PTPN3: variants seen among roughly 807,000 people sequenced by gnomAD.
PTPN3 encodes the protein tyrosine-protein phosphatase non-receptor type 3.
PTPN3 carries 96 observed loss-of-function variants against 132.7 expected under a neutral mutation model. The ratio of observed to expected loss-of-function variants is 0.72; its 90% confidence interval spans 0.61 to 0.86. The LOEUF (loss-of-function observed/expected upper bound fraction) is 0.86. Ranked by LOEUF, PTPN3 falls within the 40% of genes least tolerant of loss-of-function variation. The pLI is 0.00. For missense variants in PTPN3, 1,125 were observed against 1,159.6 expected (o/e 0.97, Z 0.43); for synonymous variants, 398 against 429.0 (o/e 0.93, Z 0.89).
chr9:109,463,102 G>A (rs906969549), intron 2 of PTPN3, among the ~76,000 whole-genome samples, 195 bp downstream of exon 2: 16 of 151,412 alleles, frequency 1.1e-4, no homozygotes, highest in Admixed American at 1.0e-3. Context: ...AAGGGCGGGG[G>A]GAAGACCCTC....
intron 1 of PTPN3, among the ~76,000 whole-genome samples, chr9:109,485,875 C>T (rs1011614353): frequency 6.6e-6 from 1 of 152,248 alleles, no homozygotes; most frequent in Non-Finnish European, 1.5e-5. Flanking sequence ...TATTTAGTAA[C>T]TCTGAAGAAA....
At chr9:109,481,193 T>G (rs1177160998) in intron 1 of PTPN3, among the ~76,000 whole-genome samples, 2 of 152,116 alleles carry the variant, frequency 1.3e-5, no homozygotes, top group African/African-American at 4.8e-5. Flanking sequence ...CTGGTTCAAG[T>G]CCCTCAGTGC....
At chr9:109,404,911 T>C (rs943417166) in intron 18 of PTPN3, among the ~76,000 whole-genome samples, 2 of 152,196 alleles carry the variant, frequency 1.3e-5, no homozygotes, top group Non-Finnish European at 2.9e-5. Flanking sequence ...AAAAAGCATA[T>C]TGTTTCTGCT....
chr9:109,533,616 G>C, the PTPN3 span: 1 of 1,527,512 alleles, frequency 6.5e-7, no homozygotes, highest in East Asian at 2.3e-5. Context: ...CTATATCCCT[G>C]ATATATACTC....
chr9:109,501,044 A>G (rs917183258), upstream of PTPN3, among the ~76,000 whole-genome samples: 5 of 152,090 alleles, frequency 3.3e-5, no homozygotes, highest in Non-Finnish European at 7.4e-5. Context: ...TTTTTGGAGT[A>G]GTAAGTTTGG....
chr9:109,392,520 C>T (rs993643386), intron 19 of PTPN3: 2 of 152,082 alleles, frequency 1.3e-5, no homozygotes, highest in African/African-American at 4.8e-5. Context: ...CACAAATGAA[C>T]AGAAGCACAT....
At chr9:109,533,325 T>C in the PTPN3 span, 4 of 452,854 alleles carry the variant, frequency 8.8e-6, no homozygotes, top group Non-Finnish European at 1.6e-5. Context: ...TTTGTATTTT[T>C]AGTAGAGACG....
intron 1 of PTPN3, among the ~76,000 whole-genome samples, chr9:109,490,046 G>A (rs893646182): frequency 5.3e-5 from 8 of 151,972 alleles, no homozygotes; most frequent in Non-Finnish European, 1.2e-4. Context: ...AGCTGGGCGT[G>A]GTCGTGGACA....
the PTPN3 span, among the ~76,000 whole-genome samples, chr9:109,525,506 T>TG: frequency 6.6e-6 from 1 of 152,192 alleles, no homozygotes; most frequent in African/African-American, 2.4e-5. Context: ...CCATCACAGA[T>TG]GAAGTAAATC....
At chr9:109,447,363 A>T (rs1301638819) in intron 6 of PTPN3, among the ~76,000 whole-genome samples, 1 of 152,124 alleles carries the variant, frequency 6.6e-6, no homozygotes, top group East Asian at 1.9e-4. Flanking sequence ...GCAGCTGCTA[A>T]GGACAGCCTG....
At chr9:109,401,368 C>A (rs759269805) in intron 19 of PTPN3, among the ~76,000 whole-genome samples, 1 of 152,122 alleles carries the variant, frequency 6.6e-6, no homozygotes, top group Non-Finnish European at 1.5e-5. Context: ...TAGCTGTGGG[C>A]GGGGCCTTGA....
intron 4 of PTPN3, among the ~76,000 whole-genome samples, chr9:109,456,890 T>C (rs1015850101): frequency 6.6e-6 from 1 of 152,172 alleles, no homozygotes; most frequent in African/African-American, 2.4e-5. Context: ...CCATCCTCCT[T>C]CCTTTTCCTT....
At chr9:109,380,013 G>T (rs181109108) in intron 25 of PTPN3, among the ~76,000 whole-genome samples, 1 of 152,182 alleles carries the variant, frequency 6.6e-6, no homozygotes, top group African/African-American at 2.4e-5. Context: ...GGAGGAGGAG[G>T]GGCTGCACAG....
chr9:109,449,183 C>A, intron 5 of PTPN3: 1 of 1,106,780 alleles, frequency 9.0e-7, no homozygotes, highest in South Asian at 3.1e-5. Flanking sequence ...TGTCAGTGAG[C>A]GCCCCTGCCC....
intron 2 of PTPN3, among the ~76,000 whole-genome samples, chr9:109,458,143 A>G (rs1390493192): frequency 6.6e-6 from 1 of 152,190 alleles, no homozygotes; most frequent in African/African-American, 2.4e-5. Context: ...CAGAGTGTCA[A>G]AGGCCGTCGA....
chr9:109,444,548 A>T (rs1469800236), intron 7 of PTPN3, among the ~76,000 whole-genome samples: 1 of 152,224 alleles, frequency 6.6e-6, no homozygotes, highest in Non-Finnish European at 1.5e-5. Flanking sequence ...AAAAAAATGT[A>T]AAATATCTTG....
intron 12 of PTPN3, 108 bp from the exon 13 acceptor site, chr9:109,422,960 T>C: frequency 2.1e-6 from 3 of 1,402,040 alleles, no homozygotes; most frequent in Non-Finnish European, 2.9e-6. Context: ...GGACGGCAGG[T>C]TAATGCCAAG....
chr9:109,532,217 T>C, the PTPN3 span, among the ~76,000 whole-genome samples: 1 of 152,224 alleles, frequency 6.6e-6, no homozygotes, highest in Non-Finnish European at 1.5e-5. Context: ...GGAAGCTGGC[T>C]GGCAGATACA....
rs76739363 is a variant in PTPN3 at position 109,434,911 on chromosome 9, T to C, written c.676-1750A>G. ...CCCTTTGTGAACCACAATGTGAACA[T>C]GGAGTTAGAGAAACGGGACAAACAA... On this transcript the variant is annotated intron_variant, in intron 9 of 25. Transcript: ENST00000374541. Among the ~76,000 whole-genome samples, 963 of 152,198 alleles carry C rather than the reference T, an allele frequency of 6.3e-3. 16 individuals are homozygous for C. Among genetic ancestry groups the C allele is most frequent in the African/African-American group, 0.022 (923 of 41,530 alleles).
Sources: gnomAD v4.1 joint callset for allele counts (sites outside exome capture counted in the v4.1 genomes callset) on GRCh38, gnomAD v4.1.1 for gene constraint, MANE v1.5 for transcripts, NCBI Gene and HGNC (gene_info 2026-07-23, HGNC 2026-07-21) for gene names.